NIBAN3: variants seen among roughly 807,000 people sequenced by gnomAD.
NIBAN3 encodes the protein protein Niban 3.
In NIBAN3, 66 loss-of-function variants were observed where a neutral mutation model predicts 76.4. That is an observed-to-expected ratio of 0.86 (90% CI 0.71 to 1.06). NIBAN3 has a LOEUF of 1.06. Among genes scored for constraint, NIBAN3 ranks in the 50% least tolerant of loss-of-function variants. NIBAN3 has a pLI of 0.00. For synonymous variants in NIBAN3, 360 were observed against 355.2 expected, an observed-to-expected ratio of 1.01 and a Z score of -0.15; for missense variants, 808 against 810.7, an observed-to-expected ratio of 1.00 and a Z score of 0.04.
chr19:17,532,859 G>A (rs1320824080), intron 3 of NIBAN3, among the ~76,000 whole-genome samples: 2 of 152,082 alleles, frequency 1.3e-5, no homozygotes, highest in Non-Finnish European at 2.9e-5. Flanking sequence ...AGGGACTGAG[G>A]GAGGAAGGGA....
At chr19:17,525,494 G>A (rs1372610693), upstream of NIBAN3, among the ~76,000 whole-genome samples, 1 of 152,188 alleles carries the variant, frequency 6.6e-6, no homozygotes, top group Non-Finnish European at 1.5e-5. Context: ...CATAAAGGTC[G>A]CGCCCAACCA....
chr19:17,546,776 T>A lies in NIBAN3; in HGVS notation c.1645T>A (p.Leu549Met). The A allele has an allele frequency of 6.2e-7, 1 of 1,601,642 alleles. No homozygotes were observed. Among genetic ancestry groups the A allele is most frequent in the Non-Finnish European group, 8.5e-7 (1 of 1,175,002 alleles). Residue 549 changes from leucine to methionine, a missense_variant, in exon 13 of 15, where the codon TTG becomes ATG. Coordinates refer to ENST00000599164, the MANE Select transcript of NIBAN3 (RefSeq NM_001321827.2). Reference sequence around the variant, plus strand: ...CTATGAGGACGTCATCCGGGGGTGCTTGCTGCAGAGGATTGACCAAGGTGA... The same window carrying A: ...CTATGAGGACGTCATCCGGGGGTGCATGCTGCAGAGGATTGACCAAGGTGA... ...GIYEDVIRGC[L>M]LQRIDQELKK...
chr19:17,531,323 TCAAACACACACACACA>T (rs2075718243), intron 2 of NIBAN3, among the ~76,000 whole-genome samples: 1 of 115,802 alleles, frequency 8.6e-6, no homozygotes, highest in African/African-American at 3.6e-5. Context: ...CTAGACTCTG[TCAAACACACACACACA>T]CACACACACA....
intron 7 of NIBAN3, 55 bp downstream of exon 7, chr19:17,539,506 C>G: frequency 1.4e-6 from 2 of 1,458,168 alleles, no homozygotes; most frequent in Non-Finnish European, 1.8e-6. Context: ...GTTCGGGTTC[C>G]CCTCCCACGA....
intron 5 of NIBAN3, among the ~76,000 whole-genome samples, chr19:17,538,709 GAGAAAGAAAGA>G (rs1178142120): frequency 2.1e-5 from 3 of 141,124 alleles, no homozygotes; most frequent in African/African-American, 5.3e-5. Flanking sequence ...GAAAAGAAAG[GAGAAAGAAAGA>G]AGAAAGAAAG....
At chr19:17,553,913 C>A (rs572651860), downstream of NIBAN3, 51 of 173,304 alleles carry the variant, frequency 2.9e-4, no homozygotes, top group Admixed American at 1.6e-3. Flanking sequence ...CTCTGTCACC[C>A]AGGCTGGAAT....
intron 4 of NIBAN3, among the ~76,000 whole-genome samples, chr19:17,533,991 T>C (rs562644743): frequency 6.6e-6 from 1 of 151,540 alleles, no homozygotes; most frequent in African/African-American, 2.4e-5. Context: ...CTTGCAAGGG[T>C]GAGGGGGAGA....
At chr19:17,546,654 C>G in intron 12 of NIBAN3, 32 bp from the exon 13 acceptor site, 2 of 1,495,810 alleles carry the variant, frequency 1.3e-6, no homozygotes, top group Non-Finnish European at 1.8e-6. Flanking sequence ...GCCCTCCTCT[C>G]CATCCGAGCC....
At chr19:17,546,613 G>A (rs2076059360) in intron 12 of NIBAN3, 73 bp from the exon 13 acceptor site, 3 of 1,409,378 alleles carry the variant, frequency 2.1e-6, no homozygotes, top group Non-Finnish European at 2.8e-6. Flanking sequence ...CAGGGCTAGG[G>A]CAGAAGCCTG....
upstream of NIBAN3, among the ~76,000 whole-genome samples, chr19:17,526,317 A>T (rs149156383): frequency 3.4e-5 from 5 of 148,858 alleles, no homozygotes; most frequent in South Asian, 4.3e-4. Context: ...TGTCCCAAAG[A>T]AAAAAAAAAG....
intron 9 of NIBAN3, among the ~76,000 whole-genome samples, chr19:17,541,311 A>AT (rs2075948853): frequency 6.6e-6 from 1 of 152,130 alleles, no homozygotes; most frequent in Non-Finnish European, 1.5e-5. Context: ...CCTTCAACTC[A>AT]TTCTTAAGCC....
intron 1 of NIBAN3, among the ~76,000 whole-genome samples, chr19:17,530,088 G>T (rs2075686885): frequency 6.6e-6 from 1 of 151,304 alleles, no homozygotes. Context: ...AAGACAAGTG[G>T]ATCACTGGAG....
rs369418945 is a variant in NIBAN3, at chr19:17,530,813, G to A, written c.114G>A (p.Ala38=). ...FLPCYRGQLA[A]SVLRQISREL... ...CTTGCTACCGTGGGCAGCTGGCAGC[G>A]TCTGTCCTGCGGCAGATCTCTCGAG... The change falls in exon 2 of 15, where the codon GCG becomes GCA. Residue 38 remains alanine (A), a synonymous_variant. Transcript: ENST00000599164. 1.6e-5 allele frequency: 26 copies of A among 1,613,348 alleles called. No homozygotes were observed. Among genetic ancestry groups the A allele is most frequent in the Admixed American group, 8.3e-5 (5 of 59,972 alleles).
intron 3 of NIBAN3, 94 bp downstream of exon 3, chr19:17,532,482 C>T (rs1234111384): frequency 1.3e-6 from 2 of 1,567,762 alleles, no homozygotes; most frequent in Non-Finnish European, 1.8e-6. Flanking sequence ...TCAGCATAGC[C>T]CCACCTCTAT....
At chr19:17,525,751 G>A (rs373736170), upstream of NIBAN3, among the ~76,000 whole-genome samples, 3 of 152,068 alleles carry the variant, frequency 2.0e-5, no homozygotes, top group Non-Finnish European at 2.9e-5. Flanking sequence ...GGAGAGCTTC[G>A]GGAGGTCAGC....
intron 5 of NIBAN3, among the ~76,000 whole-genome samples, chr19:17,537,943 T>TCACACA (rs34026263): frequency 2.7e-5 from 4 of 145,888 alleles, no homozygotes; most frequent in African/African-American, 1.0e-4. Context: ...CAAAACTCCA[T>TCACACA]CACACACACA....
chr19:17,531,117 C>A (rs1423196319), intron 2 of NIBAN3, among the ~76,000 whole-genome samples: 1 of 152,040 alleles, frequency 6.6e-6, no homozygotes, highest in Non-Finnish European at 1.5e-5. Context: ...AGTTCAAGAC[C>A]AGCCTCGCCA....
chr19:17,526,297 T>A (rs1292526434), upstream of NIBAN3, among the ~76,000 whole-genome samples: 1 of 141,634 alleles, frequency 7.1e-6, no homozygotes, highest in Non-Finnish European at 1.5e-5. Flanking sequence ...TGGGCGACAG[T>A]GCGAGAGTCT....
intron 5 of NIBAN3, among the ~76,000 whole-genome samples, chr19:17,538,099 G>A: frequency 6.6e-6 from 1 of 151,886 alleles, no homozygotes; most frequent in Non-Finnish European, 1.5e-5. Context: ...TCCCAGATGA[G>A]GGGAAGCTGG....
Sources: gnomAD v4.1 joint callset for allele counts (sites outside exome capture counted in the v4.1 genomes callset) on GRCh38, gnomAD v4.1.1 for gene constraint, MANE v1.5 for transcripts, NCBI Gene and HGNC (gene_info 2026-07-23, HGNC 2026-07-21) for gene names.